DMD: variants seen among roughly 807,000 people sequenced by gnomAD.
DMD encodes mutant dystrophin.
Under a neutral mutation model 330.1 loss-of-function variants are expected in DMD, and 63 were observed. The ratio of observed to expected loss-of-function variants is 0.19; its 90% confidence interval spans 0.16 to 0.24. DMD has a LOEUF of 0.24. DMD is among the 10% of genes least tolerant of loss of function. DMD has a pLI of 1.00. For synonymous variants in DMD, 1,223 were observed against 959.8 expected (o/e 1.27, Z -5.07); for missense variants, 3,344 against 2,684.1 (o/e 1.25, Z -5.43).
Position 33,263,965 on chromosome X carries a change from ATCT to A in DMD, c.7+75291_7+75293del, listed in dbSNP as rs1011975103. Among the ~76,000 whole-genome samples, 19 of 111,421 alleles carry A rather than the reference ATCT, an allele frequency of 1.7e-4. No homozygotes were observed. The Admixed American group carries it at 1.8e-3, about 11-fold the overall frequency. ...GTATAAAAATAATCTTACACTTAAG[ATCT>A]TCTTTCAAATCTAGTCTAAACAAGT... On this transcript the variant is annotated intron_variant, in intron 1 of 17. Transcript: ENST00000288447.
At chrX:32,584,134 G>A (rs1324265443) in intron 13 of DMD, among the ~76,000 whole-genome samples, 2 of 111,143 alleles carry the variant, frequency 1.8e-5, no homozygotes, top group Non-Finnish European at 3.8e-5. Flanking sequence ...TAGAAAAACA[G>A]GCATTTCAGA....
intron 4 of DMD, among the ~76,000 whole-genome samples, chrX:32,827,065 C>CACACA (rs1557061629): frequency 0.028 from 1,929 of 68,985 alleles, 70 homozygotes; most frequent in Non-Finnish European, 0.034. Context: ...CACCCCCCCC[C>CACACA]CACACACACA....
chrX:32,900,348 A>T (rs897823628), intron 2 of DMD, among the ~76,000 whole-genome samples: 2 of 110,496 alleles, frequency 1.8e-5, no homozygotes, highest in Non-Finnish European at 3.8e-5. Context: ...ATTCTAGTCA[A>T]TTTTTCTTTA....
chrX:31,885,494 C>T (rs2094138367), intron 47 of DMD, among the ~76,000 whole-genome samples: 1 of 108,464 alleles, frequency 9.2e-6, no homozygotes, highest in Non-Finnish European at 1.9e-5. Context: ...CCTGTAGTCC[C>T]AGCTACTCTG....
At chrX:32,843,129 G>A (rs1215989435) in intron 4 of DMD, among the ~76,000 whole-genome samples, 1 of 111,970 alleles carries the variant, frequency 8.9e-6, no homozygotes, top group Non-Finnish European at 1.9e-5. Context: ...TCTTTATGCA[G>A]GATTGAGTTT....
At chrX:32,993,544 A>T (rs2093036119) in intron 2 of DMD, among the ~76,000 whole-genome samples, 1 of 109,474 alleles carries the variant, frequency 9.1e-6, no homozygotes, top group Admixed American at 9.8e-5. Flanking sequence ...CAGAGGTTGC[A>T]GTGAGCTGAT....
intron 1 of DMD, among the ~76,000 whole-genome samples, chrX:33,058,671 T>C (rs182799001): frequency 7.8e-4 from 86 of 110,731 alleles, no homozygotes; most frequent in Admixed American, 1.6e-3. Context: ...TAAATTTAGA[T>C]TTAGTAGATA....
intron 62 of DMD, among the ~76,000 whole-genome samples, chrX:31,284,532 CTTT>C (rs1386015192): frequency 3.2e-5 from 3 of 93,986 alleles, no homozygotes; most frequent in African/African-American, 7.6e-5. Context: ...CAAACTCCTT[CTTT>C]AAGAACTGCA....
chrX:31,639,423 T>C (rs2079601346), intron 54 of DMD, among the ~76,000 whole-genome samples: 1 of 111,937 alleles, frequency 8.9e-6, no homozygotes, highest in Non-Finnish European at 1.9e-5. Flanking sequence ...ACATAAGATA[T>C]TTTCCTCATG....
chrX:32,051,685 C>T (rs1422259920), intron 44 of DMD, among the ~76,000 whole-genome samples: 1 of 110,736 alleles, frequency 9.0e-6, no homozygotes, highest in African/African-American at 3.3e-5. Flanking sequence ...ACTAAGATAA[C>T]TAAAATATTT....
At chrX:33,003,729 A>G (rs939713150) in intron 2 of DMD, among the ~76,000 whole-genome samples, 1 of 112,349 alleles carries the variant, frequency 8.9e-6, no homozygotes. Flanking sequence ...AATATCAGCT[A>G]TCATAAAACT....
chrX:32,630,466 A>G (rs755117510), intron 11 of DMD, among the ~76,000 whole-genome samples: 2 of 107,199 alleles, frequency 1.9e-5, no homozygotes, highest in Admixed American at 1.0e-4. Context: ...TTGAATTTTA[A>G]TCTCTCTCTC....
intron 21 of DMD, among the ~76,000 whole-genome samples, chrX:32,473,719 TAA>T (rs1336309623): frequency 3.6e-5 from 4 of 111,878 alleles, no homozygotes; most frequent in African/African-American, 9.7e-5. Context: ...ATAAAAATGT[TAA>T]GAGATTATAT....
At chrX:32,784,104 C>A (rs774979246) in intron 7 of DMD, among the ~76,000 whole-genome samples, 1 of 110,595 alleles carries the variant, frequency 9.0e-6, no homozygotes, top group South Asian at 3.8e-4. Context: ...CATTAAAGAG[C>A]AGAAGGCTAA....
chrX:31,713,247 T>C (rs1603450523), intron 52 of DMD, among the ~76,000 whole-genome samples: 1 of 104,155 alleles, frequency 9.6e-6, no homozygotes, highest in East Asian at 3.0e-4. Context: ...GATCTACTTC[T>C]TCTATGATAT....
intron 9 of DMD, among the ~76,000 whole-genome samples, chrX:32,649,350 C>G (rs182327904): frequency 0.019 from 2,047 of 107,765 alleles, 35 homozygotes; most frequent in Non-Finnish European, 0.03. Context: ...GTCAGGAGAT[C>G]GAGACCATCT....
At chrX:32,924,834 G>A (rs765328608) in intron 2 of DMD, among the ~76,000 whole-genome samples, 7 of 111,364 alleles carry the variant, frequency 6.3e-5, no homozygotes, top group Admixed American at 1.9e-4. Flanking sequence ...TGTACACACT[G>A]AAGTACTATT....
At chrX:32,569,455 A>G (rs748453942) in intron 15 of DMD, among the ~76,000 whole-genome samples, 4 of 111,926 alleles carry the variant, frequency 3.6e-5, no homozygotes, top group Non-Finnish European at 7.5e-5. Flanking sequence ...AGAACATCAG[A>G]ATTACCTGAA....
intron 42 of DMD, among the ~76,000 whole-genome samples, chrX:32,308,340 C>T (rs2097548368): frequency 9.0e-6 from 1 of 111,324 alleles, no homozygotes; most frequent in South Asian, 3.7e-4. Flanking sequence ...ATAAAATCAA[C>T]CACAATTTCA....
Sources: gnomAD v4.1 joint callset for allele counts (sites outside exome capture counted in the v4.1 genomes callset) on GRCh38, gnomAD v4.1.1 for gene constraint, MANE v1.5 for transcripts, NCBI Gene and HGNC (gene_info 2026-07-23, HGNC 2026-07-21) for gene names.